The following CAMK2B variants were observed in gnomAD, a reference collection of about 807,000 sequenced individuals.
CAMK2B encodes calcium/calmodulin-dependent protein kinase type II subunit beta.
CAMK2B carries 27 observed loss-of-function variants against 93.7 expected under a neutral mutation model. The ratio of observed to expected loss-of-function variants is 0.29; its 90% confidence interval spans 0.21 to 0.40. The LOEUF is 0.40. CAMK2B is among the 10% of genes least tolerant of loss of function. CAMK2B has a pLI of 1.00. For missense variants in CAMK2B, 568 were observed against 895.8 expected (o/e 0.63, Z 4.67); for synonymous variants, 374 against 358.8 (o/e 1.04, Z -0.48).
At chr7:44,236,324 A>T (rs1477580922) in intron 13 of CAMK2B, among the ~76,000 whole-genome samples, 1 of 152,208 alleles carries the variant, frequency 6.6e-6, no homozygotes, top group Non-Finnish European at 1.5e-5. Context: ...CCCCATGTGC[A>T]GTGGGCACAC....
At chr7:44,278,095 G>T (rs189474528) in intron 2 of CAMK2B, among the ~76,000 whole-genome samples, 127 of 152,340 alleles carry the variant, frequency 8.3e-4, no homozygotes, top group East Asian at 9.7e-4. Context: ...ACAGCCAGGG[G>T]CGCCTGCCAT....
Position 44,220,623 on chromosome 7 carries a change from G to A in CAMK2B, c.1761C>T (p.Phe587=). ...CCGGGCTTCCTCACTCACGGTTCTC[G>A]AAGTAGAATCTGTGGAAGTCCATCC... ...VEGMDFHRFY[F]ENLLAKNSKP... The change falls in exon 22 of 24, where the codon TTC becomes TTT. Residue 587 remains phenylalanine (F), a synonymous_variant. Coordinates refer to ENST00000395749, the MANE Select transcript of CAMK2B (RefSeq NM_001220.5). 9.3e-6 allele frequency: 15 copies of A among 1,613,180 alleles called. No individual in the cohort carries two copies. The highest frequency in any genetic ancestry group is 1.3e-5 in the Non-Finnish European group (15 of 1,179,640).
chr7:44,229,830 C>T, intron 17 of CAMK2B: 1 of 256,164 alleles, frequency 3.9e-6, no homozygotes, highest in Non-Finnish European at 7.4e-6. Flanking sequence ...CCAGAGCCAG[C>T]AGAGGCCAGG....
chr7:44,252,963 G>A (rs1009492246), intron 5 of CAMK2B, among the ~76,000 whole-genome samples: 3 of 152,062 alleles, frequency 2.0e-5, no homozygotes, highest in Non-Finnish European at 2.9e-5. Context: ...CCAGTGTCCC[G>A]AACCCCACAG....
At chr7:44,273,857 G>A (rs1053200201) in intron 2 of CAMK2B, among the ~76,000 whole-genome samples, 7 of 152,314 alleles carry the variant, frequency 4.6e-5, no homozygotes, top group Non-Finnish European at 8.8e-5. Context: ...GCAGATGCCT[G>A]GGGACCCAAC....
In CAMK2B at chr7:44,311,997, C is replaced by G. The variant is rs909171338; in HGVS notation, c.65+13360G>C. On this transcript the variant is annotated intron_variant, in intron 1 of 23. Coordinates refer to ENST00000395749, the MANE Select transcript of CAMK2B (RefSeq NM_001220.5). This position sits in a 1 kb window ranked among gnomAD's most constrained non-coding sequence, Gnocchi z 4.2. ...AGTCACGCCTGCTGGAGACTTTCCT[C>G]GCCACATCTCTGTCCCCACAGCCCA... Among the ~76,000 whole-genome samples, 1 of 152,218 alleles carries G rather than the reference C, an allele frequency of 6.6e-6. No individual in the cohort carries two copies. Among genetic ancestry groups the G allele is most frequent in the Non-Finnish European group, 1.5e-5 (1 of 68,036 alleles).
At chr7:44,251,099 C>G (rs892373612) in intron 5 of CAMK2B, among the ~76,000 whole-genome samples, 1 of 152,176 alleles carries the variant, frequency 6.6e-6, no homozygotes, top group African/African-American at 2.4e-5. Context: ...TTGGCAGGTA[C>G]CAGGCAGGGC....
At chr7:44,303,040 A>G (rs2129182951) in intron 1 of CAMK2B, among the ~76,000 whole-genome samples, 1 of 152,322 alleles carries the variant, frequency 6.6e-6, no homozygotes, top group East Asian at 1.9e-4. Context: ...GGAACTAATA[A>G]ATGATTATAG....
chr7:44,259,312 A>C, intron 3 of CAMK2B: 1 of 208,396 alleles, frequency 4.8e-6, no homozygotes. Flanking sequence ...ACACCTCCAA[A>C]CCCCAGAAAG....
At chr7:44,242,806 T>C in intron 8 of CAMK2B, 152 bp from the exon 9 acceptor site, 2 of 631,050 alleles carry the variant, frequency 3.2e-6, no homozygotes, top group South Asian at 3.6e-5. Flanking sequence ...CAGCAGACAC[T>C]GGGGTAGAAG....
In CAMK2B at chr7:44,263,354, A is replaced by G. The variant is rs902460665; in HGVS notation, c.161-290T>C. Among the ~76,000 whole-genome samples the G allele has an allele frequency of 3.8e-4, 58 of 152,212 alleles. 1 individual carries two copies. The highest frequency in any genetic ancestry group is 7.3e-5 in the Non-Finnish European group (5 of 68,036). On this transcript the variant is annotated intron_variant, in intron 2 of 23. Coordinates refer to ENST00000395749, the MANE Select transcript of CAMK2B (RefSeq NM_001220.5). ...CTGGATGATTCTAAGTCAGCGGTGC[A>G]CTGATTTAGTCCTCCACTTATTTGT...
Position 44,280,081 on chromosome 7 carries a change from C to G in CAMK2B, c.160+4050G>C, listed in dbSNP as rs565283321. Among the ~76,000 whole-genome samples, 11 of 152,316 alleles carry G rather than the reference C, an allele frequency of 7.2e-5. No homozygotes were observed. The East Asian group carries it at 1.9e-3, about 27-fold the overall frequency. ...CTGTTACATGAGTGAGAGTCTATGT[C>G]TAGGGTGTGTCTAAAGGGGTTCCTC... is the stretch of plus-strand genomic sequence containing the variant. On this transcript the variant is annotated intron_variant, in intron 2 of 23. Coordinates refer to ENST00000395749, the MANE Select transcript of CAMK2B (RefSeq NM_001220.5).
Position 44,225,830 on chromosome 7 carries a change from A to AC in CAMK2B, c.1597+685dup, listed in dbSNP as rs1325797669. 1.6e-6 allele frequency: 2 copies of AC among 1,287,094 alleles called. No homozygotes were observed. The highest frequency in any genetic ancestry group is 1.5e-5 in the African/African-American group (1 of 64,972). The allele number at this position is 1,287,094 out of a possible 1,614,324, so 79.7% of individuals were successfully genotyped here. Reference sequence around the variant, plus strand: ...TCTTCTCTAAGAGTATCTCCACACCACCCCCAGTCTGGTGTCTCCCCACAG... The same window carrying AC: ...TCTTCTCTAAGAGTATCTCCACACCACCCCCCAGTCTGGTGTCTCCCCACAG... On this transcript the variant is annotated intron_variant, in intron 20 of 23. Coordinates refer to ENST00000395749, the MANE Select transcript of CAMK2B (RefSeq NM_001220.5). The surrounding 1 kb of genome is among the most constrained non-coding windows in gnomAD (Gnocchi z 5.0).
At chr7:44,231,777 C>A (rs527570803) in intron 16 of CAMK2B, among the ~76,000 whole-genome samples, 1 of 152,232 alleles carries the variant, frequency 6.6e-6, no homozygotes, top group Non-Finnish European at 1.5e-5. Flanking sequence ...GACTCTCCCA[C>A]CCTGCTCCAG....
At chr7:44,280,811 G>A (rs1030293969) in intron 2 of CAMK2B, among the ~76,000 whole-genome samples, 5 of 152,162 alleles carry the variant, frequency 3.3e-5, no homozygotes, top group African/African-American at 1.2e-4. Context: ...GCACAAGACA[G>A]GTCACAGCGG....
intron 1 of CAMK2B, among the ~76,000 whole-genome samples, chr7:44,306,933 GGAA>G (rs1791835384): frequency 7.5e-6 from 1 of 132,986 alleles, no homozygotes. Flanking sequence ...GGTGTGAGCA[GGAA>G]GAGAAGGGGG....
At chr7:44,226,713 C>A in intron 19 of CAMK2B, 69 bp from the exon 20 acceptor site, 7 of 1,346,658 alleles carry the variant, frequency 5.2e-6, no homozygotes, top group Non-Finnish European at 5.8e-6. Flanking sequence ...AAACCATGGG[C>A]AGACAGCCAA....
At chr7:44,232,956 AGAG>A (rs1417106236) in intron 15 of CAMK2B, 90 bp from the exon 16 acceptor site, 34 of 1,203,680 alleles carry the variant, frequency 2.8e-5, no homozygotes, top group Non-Finnish European at 3.7e-5. Flanking sequence ...ACAGGGAGAC[AGAG>A]GAGGTGTGGG....
chr7:44,310,471 G>A (rs1793240581), intron 1 of CAMK2B, among the ~76,000 whole-genome samples: 1 of 152,218 alleles, frequency 6.6e-6, no homozygotes, highest in African/African-American at 2.4e-5. Context: ...GCTATGTCAT[G>A]CGCGGTGGGA....
Sources: gnomAD v4.1 joint callset for allele counts (sites outside exome capture counted in the v4.1 genomes callset) on GRCh38, gnomAD v4.1.1 for gene constraint, Gnocchi (gnomAD v3.1) non-coding constraint, MANE v1.5 for transcripts, NCBI Gene and HGNC (gene_info 2026-07-23, HGNC 2026-07-21) for gene names.